Variants in PRKCB observed in about 807,000 individuals in gnomAD.
PRKCB encodes protein kinase C beta.
PRKCB carries 13 observed loss-of-function variants against 81.5 expected under a neutral mutation model. The observed-to-expected ratio is 0.16, with a 90% CI of 0.10 to 0.25. PRKCB has a LOEUF of 0.25. PRKCB is among the 10% of genes least tolerant of loss of function. PRKCB has a pLI of 1.00. For synonymous variants in PRKCB, 335 were observed against 321.4 expected (o/e 1.04, Z -0.45); for missense variants, 509 against 875.7 (o/e 0.58, Z 5.29).
intron 2 of PRKCB, among the ~76,000 whole-genome samples, chr16:23,962,187 C>T (rs1176543980): frequency 3.3e-5 from 5 of 152,142 alleles, no homozygotes; most frequent in Admixed American, 1.3e-4. Context: ...CCTCCTTTCC[C>T]CCACCCTCTA....
At chr16:23,982,388 C>T (rs1964750606) in intron 2 of PRKCB, among the ~76,000 whole-genome samples, 1 of 149,100 alleles carries the variant, frequency 6.7e-6, no homozygotes, top group African/African-American at 2.5e-5. Context: ...CTTTCCCTTC[C>T]CCTTCGCTTC....
chr16:24,015,384 C>A (rs1965263393), intron 3 of PRKCB, among the ~76,000 whole-genome samples: 1 of 152,188 alleles, frequency 6.6e-6, no homozygotes, highest in Non-Finnish European at 1.5e-5. Context: ...TAGAATCTGA[C>A]CCCTGATCTC....
At chr16:23,960,474 A>G (rs1964411208) in intron 2 of PRKCB, among the ~76,000 whole-genome samples, 1 of 150,898 alleles carries the variant, frequency 6.6e-6, no homozygotes, top group African/African-American at 2.4e-5. Context: ...TTTTTCTTCA[A>G]CTGTTATTTT....
At chr16:24,032,497 C>A (rs569990298) in intron 4 of PRKCB, among the ~76,000 whole-genome samples, 1 of 152,352 alleles carries the variant, frequency 6.6e-6, no homozygotes, top group African/African-American at 2.4e-5. Context: ...CAGCTGATGT[C>A]ACGCATGTTC....
In PRKCB at chr16:24,123,989, A is replaced by G. The variant is rs1415750278; in HGVS notation, c.1065+8A>G. 4 of 1,613,942 alleles carry G rather than the reference A, an allele frequency of 2.5e-6. No homozygotes were observed. Among genetic ancestry groups the G allele is most frequent in the African/African-American group, 2.7e-5 (2 of 74,942 alleles). ...AAAGGCAGCTTTGGCAAGGTATGGT[A>G]TGATTTGGTGGCTCCACCTGCTTTG... On this transcript the variant is annotated splice_region_variant and intron_variant, in intron 9 of 16. Coordinates refer to ENST00000643927, the MANE Select transcript of PRKCB (RefSeq NM_002738.7).
chr16:23,837,592 G>T (rs572900659), intron 2 of PRKCB, among the ~76,000 whole-genome samples, 186 bp downstream of exon 2: 2 of 152,154 alleles, frequency 1.3e-5, no homozygotes, highest in Non-Finnish European at 2.9e-5. Flanking sequence ...GGCCGATGGC[G>T]CTTGGGAGTC....
chr16:24,056,720 C>T (rs372075516), intron 5 of PRKCB, among the ~76,000 whole-genome samples: 1 of 152,170 alleles, frequency 6.6e-6, no homozygotes, highest in Non-Finnish European at 1.5e-5. Context: ...ATGTGATACA[C>T]GGGCTCCCCT....
rs538496193 is a variant in PRKCB, at chr16:24,086,543, C to T, written c.530-6248C>T. The stretch of plus-strand genomic sequence containing the variant: ...CCAAAAGTTTTTAAGTATCACCCTG[C>T]GGATCCAATTACCCTATAAACTCTT... On this transcript the variant is annotated intron_variant, in intron 5 of 16. Coordinates refer to ENST00000643927, the MANE Select transcript of PRKCB (RefSeq NM_002738.7). 1.5e-3 allele frequency among the ~76,000 whole-genome samples: 231 copies of T among 152,272 alleles called. 1 individual carries two copies. The highest frequency in any genetic ancestry group is 5.1e-3 in the African/African-American group (212 of 41,550).
chr16:23,976,615 G>A (rs547921884), intron 2 of PRKCB, among the ~76,000 whole-genome samples: 5 of 152,316 alleles, frequency 3.3e-5, no homozygotes, highest in African/African-American at 1.2e-4. Flanking sequence ...AACAAGACAT[G>A]CCACCACACT....
chr16:23,958,973 C>A (rs528555107), intron 2 of PRKCB, among the ~76,000 whole-genome samples: 3 of 152,240 alleles, frequency 2.0e-5, no homozygotes, highest in African/African-American at 7.2e-5. Context: ...GTAGGTACCT[C>A]GGGCAAGTTA....
rs9926864 is a variant in PRKCB at position 24,134,721 on chromosome 16, C to T, written c.1065+10740C>T. 1.4e-4 allele frequency among the ~76,000 whole-genome samples: 21 copies of T among 151,518 alleles called. No individual in the cohort carries two copies. In the East Asian group the frequency reaches 1.9e-3, roughly 14 times the overall value. ...TCGAGATCATGTCACTGCACTCCAG[C>T]CTGGGCGACAGAGCGAGACTCCGTC... On this transcript the variant is annotated intron_variant, in intron 9 of 16. Coordinates refer to ENST00000643927, the MANE Select transcript of PRKCB (RefSeq NM_002738.7).
chr16:24,151,660 C>T (rs1430946833), intron 9 of PRKCB: 2 of 392,642 alleles, frequency 5.1e-6, no homozygotes, highest in East Asian at 7.2e-5. Context: ...CATGGAAGGA[C>T]GTCATAGACA....
chr16:23,901,952 A>G (rs1255866474), intron 2 of PRKCB, among the ~76,000 whole-genome samples: 2 of 152,154 alleles, frequency 1.3e-5, no homozygotes, highest in African/African-American at 2.4e-5. Flanking sequence ...TTTCACTGCT[A>G]CTGGATTGGT....
intron 8 of PRKCB, among the ~76,000 whole-genome samples, chr16:24,114,268 CAA>C (rs543686526): frequency 5.5e-5 from 6 of 109,944 alleles, no homozygotes; most frequent in Non-Finnish European, 5.7e-5. Context: ...GACTTCATCT[CAA>C]AAAAAAAAAA....
chr16:24,019,571 C>T (rs1328141544), intron 3 of PRKCB, among the ~76,000 whole-genome samples: 2 of 152,206 alleles, frequency 1.3e-5, no homozygotes, highest in African/African-American at 4.8e-5. Flanking sequence ...GGCGACCAGC[C>T]TGACTAATAT....
intron 8 of PRKCB, 128 bp downstream of exon 8, chr16:24,113,197 CCT>C (rs1484140342): frequency 9.8e-6 from 6 of 613,316 alleles, no homozygotes; most frequent in African/African-American, 2.2e-5. Context: ...CTTCCTTCTT[CCT>C]CTCTCTTTTC....
intron 3 of PRKCB, among the ~76,000 whole-genome samples, chr16:24,021,499 G>C (rs963321328): frequency 6.6e-6 from 1 of 151,580 alleles, no homozygotes; most frequent in Non-Finnish European, 1.5e-5. Context: ...AAAGACTCTG[G>C]TTTGGGGGTG....
chr16:23,898,039 C>A (rs2042705722), intron 2 of PRKCB, among the ~76,000 whole-genome samples: 2 of 150,912 alleles, frequency 1.3e-5, no homozygotes, highest in Non-Finnish European at 2.9e-5. Context: ...GCTGGGATTA[C>A]AGGCACATGC....
At chr16:24,021,359 T>TTCCTTCCTTCC (rs1965400664) in intron 3 of PRKCB, among the ~76,000 whole-genome samples, 1 of 27,774 alleles carries the variant, frequency 3.6e-5, no homozygotes, top group Non-Finnish European at 5.8e-5. Context: ...TCCTTCCTCC[T>TTCCTTCCTTCC]TCCCTCCCTC....
Sources: gnomAD v4.1 joint callset for allele counts (sites outside exome capture counted in the v4.1 genomes callset) on GRCh38, gnomAD v4.1.1 for gene constraint, MANE v1.5 for transcripts, NCBI Gene and HGNC (gene_info 2026-07-23, HGNC 2026-07-21) for gene names.